The following STARD9 variants were observed in gnomAD, a reference collection of about 807,000 sequenced individuals.
The protein encoded by STARD9 is stAR-related lipid transfer protein 9.
A neutral mutation model predicts 399.8 loss-of-function variants in STARD9; 346 were observed. That is an observed-to-expected ratio of 0.87 (90% CI 0.79 to 0.95). STARD9 has a LOEUF of 0.95. Ranked by LOEUF, STARD9 falls within the 40% of genes least tolerant of loss-of-function variation. The pLI is 0.00. For missense variants in STARD9, 5,832 were observed against 5,667.5 expected (o/e 1.03, Z -0.93); for synonymous variants, 2,203 against 2,143.5 (o/e 1.03, Z -0.77).
intron 24 of STARD9, 143 bp downstream of exon 24, chr15:42,694,868 T>A: frequency 3.2e-6 from 1 of 313,130 alleles, no homozygotes; most frequent in South Asian, 5.7e-5. Flanking sequence ...GGGAATGGAA[T>A]GAGGGAGGGG....
In STARD9 at chr15:42,687,869, T is replaced by C; in HGVS notation, c.6291T>C (p.His2097=). Residue 2097 remains histidine (H), a synonymous_variant, in exon 23 of 33, where the codon CAT becomes CAC. Coordinates refer to ENST00000290607, the MANE Select transcript of STARD9 (RefSeq NM_020759.3). ...AGAAGGAGCAGGAGAAGACTGACCA[T>C]GCCTTTAGGCCAGACAGCTCTGGAA... is the stretch of plus-strand genomic sequence containing the variant. ...QDQKEQEKTD[H]AFRPDSSGNP... 3 of 1,537,260 alleles carry C rather than the reference T, an allele frequency of 2.0e-6. No homozygotes were observed. In the South Asian group the frequency reaches 3.6e-5, roughly 18 times the overall value.
chr15:42,696,779 G>A (rs939288179), intron 26 of STARD9, among the ~76,000 whole-genome samples: 2 of 151,872 alleles, frequency 1.3e-5, no homozygotes, highest in African/African-American at 2.4e-5. Context: ...AGGAAGAGCG[G>A]GGAGTTGAGA....
intron 20 of STARD9, among the ~76,000 whole-genome samples, chr15:42,679,539 C>G (rs951795883): frequency 6.6e-6 from 1 of 152,178 alleles, no homozygotes; most frequent in Non-Finnish European, 1.5e-5. Flanking sequence ...CTCCCACTCC[C>G]ATTCCCCCGG....
rs1442044592 is a variant in STARD9, at chr15:42,663,477, C to T, written c.1065C>T (p.Thr355=). 1 of 1,537,340 alleles carries T rather than the reference C, an allele frequency of 6.5e-7. No homozygotes were observed. Among genetic ancestry groups the T allele is most frequent in the African/African-American group, 1.4e-5 (1 of 73,174 alleles). Reference sequence around the variant, plus strand: ...ACAGCCTTGGAGGCAACTCTAAAACCATCATGGTTGCCAGTGAGTGGGATG... The same window carrying T: ...ACAGCCTTGGAGGCAACTCTAAAACTATCATGGTTGCCAGTGAGTGGGATG... The part of the protein sequence containing the change: ...LKDSLGGNSK[T]IMVATVSPAH... The change falls in exon 12 of 33, where the codon ACC becomes ACT. Residue 355 remains threonine (T), a synonymous_variant. Transcript: ENST00000290607.
At chr15:42,600,550 A>G (rs4923949) in intron 3 of STARD9, among the ~76,000 whole-genome samples, 13,991 of 147,966 alleles carry the variant, frequency 0.095, 1,496 homozygotes, top group East Asian at 0.26. Context: ...TTTGAGACCA[A>G]GTTTCGCTCT....
chr15:42,690,429 C>T lies in STARD9; in HGVS notation c.8851C>T (p.Leu2951Phe), dbSNP rs764095312. Residue 2951 changes from leucine to phenylalanine, a missense_variant, in exon 23 of 33, where the codon CTT (leucine) becomes TTT (phenylalanine). This residue lies in a region of STARD9 where 5,828 missense variants were observed against 5,651.1 expected (regional missense o/e 1.03). Coordinates refer to ENST00000290607, the MANE Select transcript of STARD9 (RefSeq NM_020759.3). ...GTCTAGAGGGAAAGAGAGCAGAACTCTTCCTTGCCGACAGCCATGCAGTTC... is the reference window on the plus strand; with the variant it reads ...GTCTAGAGGGAAAGAGAGCAGAACTTTTCCTTGCCGACAGCCATGCAGTTC... ...SPSRGKESRT[L>F]PCRQPCSSQP... The T allele has an allele frequency of 6.5e-7, 1 of 1,537,234 alleles. No individual in the cohort carries two copies. Among genetic ancestry groups the T allele is most frequent in the South Asian group, 1.2e-5 (1 of 84,062 alleles).
intron 13 of STARD9, 107 bp from the exon 14 acceptor site, chr15:42,665,146 C>A (rs1001074586): frequency 1.2e-6 from 1 of 803,022 alleles, no homozygotes. Flanking sequence ...GCTGTAGAGA[C>A]TACTCCAAAG....
chr15:42,718,594 G>T, intron 31 of STARD9, 80 bp downstream of exon 31: 1 of 1,460,482 alleles, frequency 6.8e-7, no homozygotes, highest in Non-Finnish European at 9.3e-7. Flanking sequence ...TGGGCCTCAG[G>T]TCCTCTAGGG....
At chr15:42,663,670 G>A (rs1397806702) in intron 12 of STARD9, 150 bp from the exon 13 acceptor site, 1 of 653,488 alleles carries the variant, frequency 1.5e-6, no homozygotes, top group African/African-American at 1.8e-5. Context: ...TGTTGGGACT[G>A]GTACTCTATC....
At chr15:42,655,366 A>C (rs536290738) in intron 9 of STARD9, among the ~76,000 whole-genome samples, 2 of 152,260 alleles carry the variant, frequency 1.3e-5, no homozygotes, top group African/African-American at 4.8e-5. Context: ...CCAAAACAGC[A>C]TGGTACTGGG....
intron 15 of STARD9, among the ~76,000 whole-genome samples, chr15:42,666,675 G>T (rs907565420): frequency 6.6e-6 from 1 of 152,166 alleles, no homozygotes; most frequent in Non-Finnish European, 1.5e-5. Flanking sequence ...TATGATAGTT[G>T]TATGCAGGAT....
rs139919621 is a variant in STARD9, at chr15:42,654,467, G to T, written c.702+1875G>T. Among the ~76,000 whole-genome samples, 480 of 152,230 alleles carry T rather than the reference G, an allele frequency of 3.2e-3. 15 individuals carry two copies. In the East Asian group the frequency reaches 0.073, roughly 23 times the overall value. On this transcript the variant is annotated intron_variant, in intron 9 of 32. Coordinates refer to ENST00000290607, the MANE Select transcript of STARD9 (RefSeq NM_020759.3). ...AAGAGAAAGAAATAAAGGGCATCCA[G>T]ATCAGTAAAGAGGAAGTCAAACTGT...
intron 22 of STARD9, 149 bp downstream of exon 22, chr15:42,682,724 A>G (rs1294759246): frequency 1.1e-5 from 8 of 698,952 alleles, no homozygotes; most frequent in Admixed American, 5.9e-5. Context: ...GACTTTTTCC[A>G]TCTTCTGGTT....
chr15:42,671,473 C>G (rs565034967), intron 16 of STARD9: 1 of 152,116 alleles, frequency 6.6e-6, no homozygotes, highest in Non-Finnish European at 1.5e-5. Flanking sequence ...TCTCCTTCCC[C>G]ATTGGCTGGG....
chr15:42,687,291 G>T lies in STARD9; in HGVS notation c.5713G>T (p.Gly1905Trp), dbSNP rs1380425451. 1 of 1,536,862 alleles carries T rather than the reference G, an allele frequency of 6.5e-7. No individual in the cohort carries two copies. Reference sequence around the variant, plus strand: ...TGCTTCCTCAGACAGCACTGAGTCTGGGAAGTCTCTCCTCTTTCGTGAATC... The same window carrying T: ...TGCTTCCTCAGACAGCACTGAGTCTTGGAAGTCTCTCCTCTTTCGTGAATC... ...CGASSDSTES[G>W]KSLLFRESEA... The change falls in exon 23 of 33, where the codon GGG (glycine) becomes TGG (tryptophan). Residue 1905 changes from glycine (G) to tryptophan (W), a missense_variant. By Grantham distance (184) the Gly-to-Trp change is radical (BLOSUM62 -2). Around this residue, in one of 2 missense-constraint regions of STARD9, gnomAD observed 5,828 missense variants for 5,651.1 expected, o/e 1.03. Transcript: ENST00000290607.
chr15:42,684,268 C>T lies in STARD9; in HGVS notation c.2690C>T (p.Ser897Phe). Residue 897 changes from serine to phenylalanine, a missense_variant, in exon 23 of 33, where the codon TCC (serine) becomes TTC (phenylalanine). Ser to Phe is a radical substitution (Grantham distance 155). Around this residue, in one of 2 missense-constraint regions of STARD9, gnomAD observed 5,828 missense variants for 5,651.1 expected, o/e 1.03. Coordinates refer to ENST00000290607, the MANE Select transcript of STARD9 (RefSeq NM_020759.3). ...TGCCTCCGCAAGAACGGCCTGCATT[C>T]CTCAGGTCATGGGCAGCCCTGCACA... ...TGCLRKNGLH[S>F]SGHGQPCTAR... 6.5e-7 allele frequency: 1 copy of T among 1,537,260 alleles called. No individual in the cohort carries two copies. Among genetic ancestry groups the T allele is most frequent in the Non-Finnish European group, 8.7e-7 (1 of 1,146,912 alleles).
At position 42,691,420 on chromosome 15, in the gene STARD9, C is replaced by T. The variant is rs1377609704; in HGVS notation, c.9842C>T (p.Pro3281Leu). ...GTGTCCTTGAGGCAAAATGAAACACCGCAGCCTGCTGCTCAGAGGAGTGGC... is the reference window on the plus strand; with the variant it reads ...GTGTCCTTGAGGCAAAATGAAACACTGCAGCCTGCTGCTCAGAGGAGTGGC... Reference protein sequence around the residue: ...ATVSLRQNETPQPAAQRSGHL... With the variant: ...ATVSLRQNETLQPAAQRSGHL... The change falls in exon 23 of 33, where the codon CCG becomes CTG. Residue 3281 changes from proline to leucine, a missense_variant. Coordinates refer to ENST00000290607, the MANE Select transcript of STARD9 (RefSeq NM_020759.3). 12 of 1,537,214 alleles carry T rather than the reference C, an allele frequency of 7.8e-6. No homozygotes were observed. The highest frequency in any genetic ancestry group is 2.4e-5 in the East Asian group (1 of 40,922).
rs539087386 is a variant in STARD9, at chr15:42,668,958, CACTT to C, written c.1318-199_1318-196del. ...AGGGGGCTTCTGTTTATACAAGTAACACTTGCTTATTGAAGAAAACTTGGAAAAC... is the reference window on the plus strand; with the variant it reads ...AGGGGGCTTCTGTTTATACAAGTAACGCTTATTGAAGAAAACTTGGAAAAC... On this transcript the variant is annotated intron_variant, in intron 15 of 32. Transcript: ENST00000290607. Among the ~76,000 whole-genome samples, 209 of 152,212 alleles carry C rather than the reference CACTT, an allele frequency of 1.4e-3. 1 individual carries two copies. Among genetic ancestry groups the C allele is most frequent in the African/African-American group, 4.9e-3 (202 of 41,528 alleles).
chr15:42,649,275 G>A (rs1023496820), intron 7 of STARD9, among the ~76,000 whole-genome samples: 15 of 152,148 alleles, frequency 9.9e-5, no homozygotes, highest in African/African-American at 3.4e-4. Flanking sequence ...TGATCCACCC[G>A]CCTCAGCCTC....
Sources: gnomAD v4.1 joint callset for allele counts (sites outside exome capture counted in the v4.1 genomes callset) on GRCh38, gnomAD v4.1.1 for gene constraint, gnomAD v4.1.1 regional missense constraint, MANE v1.5 for transcripts, NCBI Gene and HGNC (gene_info 2026-07-23, HGNC 2026-07-21) for gene names.